Variants in AKAP9 observed in about 807,000 individuals in gnomAD.
AKAP9 encodes the protein A-kinase anchor protein 9.
In AKAP9, 311 loss-of-function variants were observed where a neutral mutation model predicts 488.5. That is an observed-to-expected ratio of 0.64 (90% confidence interval 0.58 to 0.70). The LOEUF (loss-of-function observed/expected upper bound fraction) is 0.70, where lower values mean the gene tolerates loss of function less well. AKAP9 is among the 30% of genes least tolerant of loss of function. The pLI, the probability that AKAP9 is intolerant of heterozygous loss-of-function variation, is 0.00. For synonymous variants in AKAP9, 1,462 were observed against 1,483.5 expected (o/e 0.99, Z 0.33); for missense variants, 4,215 against 4,374.5 (o/e 0.96, Z 1.03).
rs1247670087 is a variant in AKAP9, at chr7:92,108,604, T to C, written c.11657T>C (p.Leu3886Pro). 6.2e-7 allele frequency: 1 copy of C among 1,614,210 alleles called. No individual in the cohort carries two copies. The part of the protein sequence containing the change: ...LTDYITRLEA[L>P]QRRLGTIQSG... ...GATTATATCACTCGGCTAGAGGCACTGCAAAGACGACTTGGAACTATACAG... is the reference window on the plus strand; with the variant it reads ...GATTATATCACTCGGCTAGAGGCACCGCAAAGACGACTTGGAACTATACAG... Residue 3886 changes from leucine to proline, a missense_variant, in exon 49 of 50, where the codon CTG becomes CCG. This residue lies in a region of AKAP9 where 253 missense variants were observed against 266.8 expected (regional missense o/e 0.95). Transcript: ENST00000356239.
At position 92,001,235 on chromosome 7, in the gene AKAP9, A is replaced by T; in HGVS notation, c.1318A>T (p.Met440Leu). 3 of 1,614,028 alleles carry T rather than the reference A, an allele frequency of 1.9e-6. No individual in the cohort carries two copies. Among genetic ancestry groups the T allele is most frequent in the East Asian group, 2.2e-5 (1 of 44,872 alleles). The change falls in exon 8 of 50, where the codon ATG (methionine) becomes TTG (leucine). Residue 440 changes from methionine to leucine, a missense_variant. Around this residue, in one of 5 missense-constraint regions of AKAP9, gnomAD observed 2,361 missense variants for 2,430.0 expected, o/e 0.97. Transcript: ENST00000356239. ...LEQLRAELDEMYGQQIVQMKQ... is the reference protein window; with the variant it reads ...LEQLRAELDELYGQQIVQMKQ... The stretch of plus-strand genomic sequence containing the variant: ...ACAACTCCGGGCAGAGCTGGATGAG[A>T]TGTATGGGCAGCAGATAGTGCAAAT...
In AKAP9 at chr7:92,079,247, A is replaced by G. The variant is rs773105182; in HGVS notation, c.7114A>G (p.Met2372Val). The change falls in exon 31 of 50, where the codon ATG becomes GTG. Residue 2372 changes from methionine to valine, a missense_variant. This residue lies in a region of AKAP9 where 1,476 missense variants were observed against 1,477.4 expected (regional missense o/e 1.00). Transcript: ENST00000356239. ...ELANIGQKTS[M>V]NAHSLSEEAD... is the part of the protein sequence containing the mutation. ...GGCAAATATTGGACAGAAGACATCA[A>G]TGAATGCTCATTCCCTCTCAGAAGA... is the stretch of plus-strand genomic sequence containing the variant. 2.4e-5 allele frequency: 38 copies of G among 1,613,996 alleles called. No homozygotes were observed. The highest frequency in any genetic ancestry group is 8.0e-5 in the African/African-American group (6 of 74,928).
At chr7:92,082,491 AT>A (rs1563109972) in intron 31 of AKAP9, 30 bp from the exon 32 acceptor site, 2 of 1,608,424 alleles carry the variant, frequency 1.2e-6, no homozygotes, top group Non-Finnish European at 1.7e-6. Context: ...TTTTTAAATT[AT>A]GTGTTTCTTG....
At chr7:92,045,830 C>CTT (rs35346628) in intron 21 of AKAP9, among the ~76,000 whole-genome samples, 1,164 of 108,840 alleles carry the variant, frequency 0.011, 14 homozygotes, top group Non-Finnish European at 0.014. Flanking sequence ...CTTTCCGTTT[C>CTT]TTTTTTTTTT....
chr7:91,978,427 A>C (rs1483231010), intron 2 of AKAP9, among the ~76,000 whole-genome samples: 1 of 151,392 alleles, frequency 6.6e-6, no homozygotes, highest in Non-Finnish European at 1.5e-5. Context: ...GGAGACAGTG[A>C]CAGTTAATAT....
intron 2 of AKAP9, among the ~76,000 whole-genome samples, chr7:91,975,911 TTG>T (rs1491353930): frequency 2.8e-5 from 3 of 107,634 alleles, no homozygotes; most frequent in Non-Finnish European, 5.8e-5. Context: ...GGTTTGTTTT[TTG>T]TTTGTTTGTT....
rs559845632 is a variant in AKAP9, at chr7:92,022,629, C to T, written c.3953-185C>T. 4.6e-5 allele frequency among the ~76,000 whole-genome samples: 7 copies of T among 152,232 alleles called. No homozygotes were observed. The South Asian group carries it at 1.0e-3, about 23-fold the overall frequency. Reference sequence around the variant, plus strand: ...ACAGCATGAGGATCAAAAAGATGATCTTGAATTGTACTATTTATGTTTTCT... The same window carrying T: ...ACAGCATGAGGATCAAAAAGATGATTTTGAATTGTACTATTTATGTTTTCT... On this transcript the variant is annotated intron_variant, in intron 13 of 49. Coordinates refer to ENST00000356239, the MANE Select transcript of AKAP9 (RefSeq NM_005751.5).
chr7:91,951,017 C>T (rs985165751), intron 1 of AKAP9, among the ~76,000 whole-genome samples: 1 of 151,840 alleles, frequency 6.6e-6, no homozygotes, highest in African/African-American at 2.4e-5. Flanking sequence ...AATGACTCAA[C>T]AAGAGAACTC....
rs370090382 is a variant in AKAP9, at chr7:92,001,118, G to T, written c.1201G>T (p.Val401Phe). 5 of 1,613,888 alleles carry T rather than the reference G, an allele frequency of 3.1e-6. No individual in the cohort carries two copies. The highest frequency in any genetic ancestry group is 4.2e-6 in the Non-Finnish European group (5 of 1,179,966). The change falls in exon 8 of 50, where the codon GTC becomes TTC. Residue 401 changes from valine to phenylalanine, a missense_variant. Around this residue, in one of 5 missense-constraint regions of AKAP9, gnomAD observed 2,361 missense variants for 2,430.0 expected, o/e 0.97. Transcript: ENST00000356239. ...SEEIKQLMGTVEELQKRNHKD... is the reference protein window; with the variant it reads ...SEEIKQLMGTFEELQKRNHKD... ...AGAAATAAAACAGTTAATGGGGACA[G>T]TCGAAGAACTTCAGAAGAGAAATCA...
In AKAP9 at chr7:92,045,226, T is replaced by C. The variant is rs375432359; in HGVS notation, c.5368+13T>C. The C allele has an allele frequency of 5.0e-6, 8 of 1,611,002 alleles. No homozygotes were observed. Among genetic ancestry groups the C allele is most frequent in the African/African-American group, 4.0e-5 (3 of 74,860 alleles). ...GAACATACAAGAGGTACTAGTTTTC[T>C]GTGTTGTGGAAACAATCATTTCAAC... On this transcript the variant is annotated intron_variant, in intron 21 of 49. Transcript: ENST00000356239.
Position 92,062,301 on chromosome 7 carries a change from A to T in AKAP9, c.5792A>T (p.Lys1931Ile). The T allele has an allele frequency of 6.2e-7, 1 of 1,613,734 alleles. No individual in the cohort carries two copies. The highest frequency in any genetic ancestry group is 8.5e-7 in the Non-Finnish European group (1 of 1,179,708). Residue 1931 changes from lysine to isoleucine, a missense_variant, in exon 24 of 50, where the codon AAA (lysine) becomes ATA (isoleucine). Coordinates refer to ENST00000356239, the MANE Select transcript of AKAP9 (RefSeq NM_005751.5). The stretch of plus-strand genomic sequence containing the variant: ...GTCATTGATGGCTATGCAGATGAAA[A>T]AACTCTTTTTGAAAGGCAAATTCAG... ...EGVIDGYADEKTLFERQIQEK... is the reference protein window; with the variant it reads ...EGVIDGYADEITLFERQIQEK...
intron 1 of AKAP9, among the ~76,000 whole-genome samples, chr7:91,959,085 A>G (rs557508217): frequency 2.0e-5 from 3 of 151,744 alleles, no homozygotes; most frequent in Non-Finnish European, 4.4e-5. Flanking sequence ...AGGTTTCACT[A>G]TGTTGCCCAG....
Position 92,079,874 on chromosome 7 carries a change from C to T in AKAP9, c.7741C>T (p.Pro2581Ser), listed in dbSNP as rs372955225. Residue 2581 changes from proline to serine, a missense_variant, in exon 31 of 50, where the codon CCT (proline) becomes TCT (serine). This residue lies in a region of AKAP9 where 1,476 missense variants were observed against 1,477.4 expected (regional missense o/e 1.00). Transcript: ENST00000356239. ...AGATAATCAAACAATTTCATCAGAA[C>T]CTGAAAGAACAAATATTCAGAATTT... Reference protein sequence around the residue: ...CQDNQTISSEPERTNIQNLNQ... With the variant: ...CQDNQTISSESERTNIQNLNQ... The T allele has an allele frequency of 3.8e-5, 62 of 1,613,970 alleles. No individual in the cohort carries two copies. Among genetic ancestry groups the T allele is most frequent in the Non-Finnish European group, 5.1e-5 (60 of 1,179,968 alleles).
intron 21 of AKAP9, among the ~76,000 whole-genome samples, chr7:92,052,304 A>G (rs1273332193): frequency 6.6e-6 from 1 of 152,114 alleles, no homozygotes; most frequent in Non-Finnish European, 1.5e-5. Context: ...GGCCTACTCC[A>G]CAATGCCTTT....
intron 46 of AKAP9, among the ~76,000 whole-genome samples, chr7:92,105,048 T>C (rs1229498505): frequency 6.6e-6 from 1 of 152,176 alleles, no homozygotes; most frequent in Non-Finnish European, 1.5e-5. Flanking sequence ...AGATTATGTT[T>C]ATCATATTTT....
In AKAP9 at chr7:92,016,252, A is replaced by G. The variant is rs779232513; in HGVS notation, c.3736A>G (p.Arg1246Gly). Residue 1246 changes from arginine (R) to glycine (G), a missense_variant, in exon 11 of 50, where the codon AGA (arginine) becomes GGA (glycine). Arg to Gly is a moderately radical substitution (Grantham distance 125). Coordinates refer to ENST00000356239, the MANE Select transcript of AKAP9 (RefSeq NM_005751.5). ...TGAAGATCCAGAATTACAAGATTAT[A>G]GATATGAAGTTCAAGGTAATAAAAG... is the stretch of plus-strand genomic sequence containing the variant. ...ENEDPELQDY[R>G]YEVQDFQENM... The G allele has an allele frequency of 1.7e-5, 27 of 1,547,934 alleles. No individual in the cohort carries two copies. In the Middle Eastern group the frequency reaches 6.1e-4, roughly 35 times the overall value.
At chr7:92,052,362 T>C (rs1808129795) in intron 21 of AKAP9, among the ~76,000 whole-genome samples, 1 of 152,190 alleles carries the variant, frequency 6.6e-6, no homozygotes, top group Non-Finnish European at 1.5e-5. Flanking sequence ...TGTAAAGTCG[T>C]CAAGGGTTGG....
At chr7:92,028,101 G>C (rs550792053) in intron 14 of AKAP9, among the ~76,000 whole-genome samples, 15 of 152,112 alleles carry the variant, frequency 9.9e-5, no homozygotes, top group Non-Finnish European at 1.5e-4. Context: ...CAGCATGCTC[G>C]TTAAGAGTCA....
chr7:92,084,500 A>G (rs1392065032), intron 33 of AKAP9, 140 bp from the exon 34 acceptor site: 1 of 632,558 alleles, frequency 1.6e-6, no homozygotes, highest in Non-Finnish European at 2.7e-6. Context: ...GTTAAAAAAA[A>G]AAACCATGAA....
Sources: gnomAD v4.1 joint callset for allele counts (sites outside exome capture counted in the v4.1 genomes callset) on GRCh38, gnomAD v4.1.1 for gene constraint, gnomAD v4.1.1 regional missense constraint, MANE v1.5 for transcripts, NCBI Gene and HGNC (gene_info 2026-07-23, HGNC 2026-07-21) for gene names.